The following DDX60L variants were observed in gnomAD, a reference collection of about 807,000 sequenced individuals.
DDX60L encodes probable ATP-dependent RNA helicase DDX60-like.
Under a neutral mutation model 211.6 loss-of-function variants are expected in DDX60L, and 191 were observed. That is an observed-to-expected ratio of 0.90 (90% CI 0.80 to 1.02). The LOEUF (loss-of-function observed/expected upper bound fraction) is 1.02, where lower values mean the gene tolerates loss of function less well. Ranked by LOEUF, DDX60L falls within the 50% of genes least tolerant of loss-of-function variation. The pLI is 0.00. For missense variants in DDX60L, 2,007 were observed against 1,984.1 expected, an observed-to-expected ratio of 1.01 and a Z score of -0.22; for synonymous variants, 706 against 694.1, an observed-to-expected ratio of 1.02 and a Z score of -0.27.
At chr4:168,453,085 C>T (rs970838237) in intron 8 of DDX60L, 39 bp downstream of exon 8, 7 of 1,548,216 alleles carry the variant, frequency 4.5e-6, no homozygotes, top group Middle Eastern at 3.5e-4. Flanking sequence ...TGGTTTTCAT[C>T]TCTCATGTTC....
In DDX60L at chr4:168,441,341, A is replaced by C. The variant is rs751774932; in HGVS notation, c.1290T>G (p.Ile430Met). 2 of 1,604,746 alleles carry C rather than the reference A, an allele frequency of 1.2e-6. No individual in the cohort carries two copies. The highest frequency in any genetic ancestry group is 3.5e-5 in the Admixed American group (2 of 57,866). ...TTTAATTTACCCATTTAGTACCTTGAATGACCGATTTCTCTTGTCTAAGAA... is the reference window on the plus strand; with the variant it reads ...TTTAATTTACCCATTTAGTACCTTGCATGACCGATTTCTCTTGTCTAAGAA... Reference protein sequence around the residue: ...RHFLRQEKSVIQEISLEKMPS... With the variant: ...RHFLRQEKSVMQEISLEKMPS... The change falls in exon 10 of 38, where the codon ATT (isoleucine) becomes ATG (methionine). Residue 430 changes from isoleucine (I) to methionine (M), a missense_variant. Ile to Met is a conservative substitution (Grantham distance 10). Coordinates refer to ENST00000682922, the MANE Select transcript of DDX60L (RefSeq NM_001012967.3).
intron 20 of DDX60L, among the ~76,000 whole-genome samples, chr4:168,416,058 G>A (rs1565269): frequency 0.15 from 22,553 of 152,086 alleles, 1,997 homozygotes; most frequent in Non-Finnish European, 0.18. Flanking sequence ...GAATGAGTTA[G>A]CGTGCCTGCC....
rs1444954551 is a variant in DDX60L at position 168,461,804 on chromosome 4, T to G, written c.501A>C (p.Gly167=). The change falls in exon 5 of 38, where the codon GGA becomes GGC. Residue 167 remains glycine, a synonymous_variant. Coordinates refer to ENST00000682922, the MANE Select transcript of DDX60L (RefSeq NM_001012967.3). ...LFNFLIIHSW[G]MKVNVVLSSG... ...ATGAAAGCACAACATTGACTTTCAT[T>G]CCCCAGGAATGTATGATTAGGAAGT... 1.2e-6 allele frequency: 2 copies of G among 1,606,178 alleles called. No homozygotes were observed. Among genetic ancestry groups the G allele is most frequent in the East Asian group, 4.5e-5 (2 of 44,796 alleles).
intron 8 of DDX60L, among the ~76,000 whole-genome samples, chr4:168,449,650 T>A (rs952295647): frequency 0.064 from 429 of 6,734 alleles, no homozygotes; most frequent in Middle Eastern, 0.17. Flanking sequence ...AAAAAAAAAA[T>A]GCAAAAAAAA....
At chr4:168,386,132 G>T (rs1369556034) in intron 29 of DDX60L, among the ~76,000 whole-genome samples, 2 of 152,056 alleles carry the variant, frequency 1.3e-5, no homozygotes, top group Non-Finnish European at 2.9e-5. Flanking sequence ...AGTTCTGCTT[G>T]GTTGAAATAG....
At chr4:168,443,422 G>C (rs376376366) in intron 9 of DDX60L, among the ~76,000 whole-genome samples, 2 of 151,874 alleles carry the variant, frequency 1.3e-5, no homozygotes, top group African/African-American at 4.9e-5. Context: ...GAAAGTGATG[G>C]GGAGAATGGA....
chr4:168,418,146 C>T (rs1261606334), intron 19 of DDX60L, among the ~76,000 whole-genome samples: 2 of 152,204 alleles, frequency 1.3e-5, no homozygotes, highest in African/African-American at 4.8e-5. Flanking sequence ...TGGCTCACTG[C>T]AACCTCTGCC....
intron 9 of DDX60L, among the ~76,000 whole-genome samples, chr4:168,448,180 T>C (rs1249137138): frequency 6.6e-6 from 1 of 152,166 alleles, no homozygotes. Context: ...TAATGTTCGT[T>C]CAGGAAAAAT....
chr4:168,394,679 C>G (rs1429112203), intron 27 of DDX60L, 62 bp from the exon 28 acceptor site: 2 of 1,468,528 alleles, frequency 1.4e-6, no homozygotes, highest in Non-Finnish European at 1.9e-6. Context: ...CAAGCTCAAT[C>G]AGAATCAAAG....
chr4:168,418,361 C>A (rs1407849763), intron 19 of DDX60L, among the ~76,000 whole-genome samples: 1 of 152,192 alleles, frequency 6.6e-6, no homozygotes, highest in East Asian at 1.9e-4. Context: ...AGCCACCACA[C>A]CCGGCCTCAT....
chr4:168,391,856 C>T (rs1483140060), intron 28 of DDX60L, among the ~76,000 whole-genome samples: 1 of 152,156 alleles, frequency 6.6e-6, no homozygotes, highest in Non-Finnish European at 1.5e-5. Flanking sequence ...CATTTGCTCA[C>T]CCTAAAATCA....
chr4:168,413,020 A>G (rs911530031), intron 22 of DDX60L, among the ~76,000 whole-genome samples: 17 of 152,218 alleles, frequency 1.1e-4, no homozygotes, highest in African/African-American at 3.9e-4. Context: ...ATCTTAGATC[A>G]CAACATCCAA....
rs1206743932 is a variant in DDX60L at position 168,453,165 on chromosome 4, T to A, written c.955A>T (p.Thr319Ser). The change falls in exon 8 of 38, where the codon ACA becomes TCA. Residue 319 changes from threonine (T) to serine (S), a missense_variant. By Grantham distance (58) the Thr-to-Ser change is moderately conservative. Coordinates refer to ENST00000682922, the MANE Select transcript of DDX60L (RefSeq NM_001012967.3). ...LSQRACSRVI[T>S]CSWIRNSDSF... is the part of the protein sequence containing the mutation. Reference sequence around the variant, plus strand: ...TCACTGTTCCTAATCCAAGAGCATGTGATGACTCGAGAACAAGCTCTCTGA... The same window carrying A: ...TCACTGTTCCTAATCCAAGAGCATGAGATGACTCGAGAACAAGCTCTCTGA... 1.9e-6 allele frequency: 3 copies of A among 1,613,018 alleles called. No individual in the cohort carries two copies. The highest frequency in any genetic ancestry group is 2.5e-6 in the Non-Finnish European group (3 of 1,179,432).
At chr4:168,422,969 T>TTGTGTGTGTGTGTGTG (rs5863932) in intron 15 of DDX60L, among the ~76,000 whole-genome samples, 2 of 132,964 alleles carry the variant, frequency 1.5e-5, no homozygotes, top group African/African-American at 3.4e-5. Flanking sequence ...GTGGCTAATA[T>TTGTGTGTGTGTGTGTG]TGTGTGTGTG....
rs573948121 is a variant in DDX60L at position 168,406,205 on chromosome 4, T to C, written c.3085-127A>G. Reference sequence around the variant, plus strand: ...CAAACTCCTTGAGGGCAGAGGCTGTTGAACATCTTTTTACCTCCCAATAAT... The same window carrying C: ...CAAACTCCTTGAGGGCAGAGGCTGTCGAACATCTTTTTACCTCCCAATAAT... On this transcript the variant is annotated intron_variant, in intron 23 of 37. Coordinates refer to ENST00000682922, the MANE Select transcript of DDX60L (RefSeq NM_001012967.3). 3 of 856,990 alleles carry C rather than the reference T, an allele frequency of 3.5e-6. No homozygotes were observed. The South Asian group carries it at 5.5e-5, about 16-fold the overall frequency. 53.1% of individuals were successfully genotyped at this position (856,990 alleles called of 1,614,324 possible). A position where few individuals can be genotyped will look rare whatever the true frequency, so the allele number is the denominator to read the frequency against.
intron 37 of DDX60L, among the ~76,000 whole-genome samples, chr4:168,360,788 A>C (rs1357021532): frequency 6.6e-6 from 1 of 152,244 alleles, no homozygotes; most frequent in Non-Finnish European, 1.5e-5. Flanking sequence ...GACCTACTGA[A>C]GTCATTTATC....
intron 8 of DDX60L, among the ~76,000 whole-genome samples, chr4:168,450,220 A>G (rs1382448123): frequency 6.6e-6 from 1 of 152,142 alleles, no homozygotes; most frequent in Non-Finnish European, 1.5e-5. Context: ...TATTTTGCAG[A>G]CCTTGCACGT....
chr4:168,401,872 G>C (rs192742938), intron 25 of DDX60L, among the ~76,000 whole-genome samples: 17 of 152,286 alleles, frequency 1.1e-4, no homozygotes, highest in Admixed American at 8.5e-4. Context: ...ATGGTAAGAA[G>C]ATCTGGTATG....
At chr4:168,409,977 G>T (rs910896601) in intron 22 of DDX60L, among the ~76,000 whole-genome samples, 2 of 152,124 alleles carry the variant, frequency 1.3e-5, no homozygotes, top group African/African-American at 4.8e-5. Context: ...ACAAGTGCCT[G>T]CCACGTAAAT....
Sources: allele counts gnomAD v4.1 joint callset (sites outside exome capture counted in the v4.1 genomes callset), GRCh38; gene constraint gnomAD v4.1.1; transcripts MANE v1.5; gene names NCBI Gene and HGNC (gene_info 2026-07-23, HGNC 2026-07-21).